The following SDK1 variants were observed in gnomAD, a reference collection of about 807,000 sequenced individuals.
SDK1 encodes the protein sidekick cell adhesion molecule 1.
SDK1 carries 157 observed loss-of-function variants against 245.5 expected under a neutral mutation model. The ratio of observed to expected loss-of-function variants is 0.64; its 90% confidence interval spans 0.56 to 0.73. SDK1 has a LOEUF of 0.73. Ranked by LOEUF, SDK1 falls within the 30% of genes least tolerant of loss-of-function variation. SDK1 has a pLI of 0.00. For missense variants in SDK1, 3,583 were observed against 3,002.3 expected (o/e 1.19, Z -4.52); for synonymous variants, 1,647 against 1,278.5 (o/e 1.29, Z -6.15).
intron 25 of SDK1, among the ~76,000 whole-genome samples, chr7:4,125,082 T>C (rs1784296933): frequency 6.7e-6 from 1 of 148,986 alleles, no homozygotes; most frequent in Non-Finnish European, 1.5e-5. Flanking sequence ...GATGGATGGA[T>C]GGATGATGGA....
intron 1 of SDK1, among the ~76,000 whole-genome samples, chr7:3,474,226 C>G (rs113887308): frequency 0.022 from 3,284 of 150,638 alleles, 131 homozygotes; most frequent in African/African-American, 0.075. Flanking sequence ...CCTCAGCCTC[C>G]CAAGTAGTGG....
chr7:4,114,542 C>T (rs1276776736), intron 25 of SDK1, among the ~76,000 whole-genome samples: 11 of 152,156 alleles, frequency 7.2e-5, no homozygotes, highest in Admixed American at 2.0e-4. Flanking sequence ...GGATAATTTT[C>T]GCTAACGATG....
At chr7:3,845,784 A>T (rs901167862) in intron 5 of SDK1, among the ~76,000 whole-genome samples, 3 of 151,916 alleles carry the variant, frequency 2.0e-5, no homozygotes, top group South Asian at 2.1e-4. Context: ...TGCTTGCTGT[A>T]TGAAACCAAA....
rs58081155 is a variant in SDK1 at position 3,463,349 on chromosome 7, C to CATGA, written c.299-155701_299-155698dup. Reference sequence around the variant, plus strand: ...GTCATATAGTTAGGACTCACATATTCATGAATGAATGAATGAATGAATGAA... The same window carrying CATGA: ...GTCATATAGTTAGGACTCACATATTCATGAATGAATGAATGAATGAATGAATGAA... On this transcript the variant is annotated intron_variant, in intron 1 of 44. Transcript: ENST00000404826. Among the ~76,000 whole-genome samples the CATGA allele has an allele frequency of 4.2e-3, 637 of 151,858 alleles. 1 individual carries two copies. The highest frequency in any genetic ancestry group is 9.6e-3 in the South Asian group (46 of 4,800).
intron 4 of SDK1, among the ~76,000 whole-genome samples, chr7:3,748,207 A>G (rs1779679659): frequency 6.6e-6 from 1 of 152,200 alleles, no homozygotes; most frequent in Admixed American, 6.5e-5. Flanking sequence ...TGAAAAGGAA[A>G]AATGATGTAT....
chr7:4,053,376 A>C (rs1349151983), intron 19 of SDK1, among the ~76,000 whole-genome samples: 1 of 151,818 alleles, frequency 6.6e-6, no homozygotes, highest in Admixed American at 6.6e-5. Context: ...CTTTCCTCTC[A>C]AACGATGCAG....
rs1432352922 is a variant in SDK1, at chr7:3,860,459, CTA to C, written c.847+38879_847+38880del. Among the ~76,000 whole-genome samples the C allele has an allele frequency of 8.5e-5, 13 of 152,178 alleles. 1 individual carries two copies. The highest frequency in any genetic ancestry group is 6.8e-3 in the Middle Eastern group (2 of 292). On this transcript the variant is annotated intron_variant, in intron 5 of 44. Coordinates refer to ENST00000404826, the MANE Select transcript of SDK1 (RefSeq NM_152744.4). ...TCTAGGAAATCCAAATTAAGGCAAA[CTA>C]TAAATTTTCACTCAAGTTGTCAAAC...
At chr7:3,743,076 G>T (rs759580851) in intron 4 of SDK1, among the ~76,000 whole-genome samples, 3 of 152,198 alleles carry the variant, frequency 2.0e-5, no homozygotes, top group Admixed American at 6.5e-5. Flanking sequence ...TGTACGTGTT[G>T]TGTGTCAGGA....
chr7:3,435,244 G>C (rs2128586085), intron 1 of SDK1, among the ~76,000 whole-genome samples: 1 of 146,752 alleles, frequency 6.8e-6, no homozygotes, highest in East Asian at 2.0e-4. Context: ...CATTAAAACA[G>C]ATTATACTGG....
chr7:3,801,213 A>T (rs1482855968), intron 4 of SDK1, among the ~76,000 whole-genome samples: 2 of 152,190 alleles, frequency 1.3e-5, no homozygotes, highest in African/African-American at 2.4e-5. Context: ...CTGGGTTTTT[A>T]AAATAGCTGA....
chr7:3,355,650 C>T (rs778703297), intron 1 of SDK1, among the ~76,000 whole-genome samples: 1 of 152,140 alleles, frequency 6.6e-6, no homozygotes, highest in Non-Finnish European at 1.5e-5. Flanking sequence ...ACTGGGAATA[C>T]CCTCAGCTTT....
At chr7:3,345,454 A>T (rs1416057270) in intron 1 of SDK1, among the ~76,000 whole-genome samples, 1 of 152,204 alleles carries the variant, frequency 6.6e-6, no homozygotes, top group Non-Finnish European at 1.5e-5. Context: ...CTACTCAGTG[A>T]TATTAACACA....
Position 4,268,174 on chromosome 7 carries a change from C to T in SDK1, c.*2790C>T, listed in dbSNP as rs545943280. ...CATGACAGCAGTGGCTGAGTCTCCC[C>T]ACCCACCCCCAACGTGGCTCATTTC... is the stretch of plus-strand genomic sequence containing the variant. On this transcript the variant is annotated 3_prime_UTR_variant, in exon 45 of 45. Coordinates refer to ENST00000404826, the MANE Select transcript of SDK1 (RefSeq NM_152744.4). The T allele has an allele frequency of 1.2e-5, 12 of 987,170 alleles. No individual in the cohort carries two copies. The African/African-American group carries it at 1.6e-4, about 13-fold the overall frequency. The allele number at this position is 987,170 out of a possible 1,614,324, so 61.2% of individuals were successfully genotyped here.
intron 4 of SDK1, chr7:3,642,865 A>G (rs895434213): frequency 3.9e-5 from 6 of 152,262 alleles, no homozygotes; most frequent in African/African-American, 1.2e-4. Context: ...ATGAAATGCT[A>G]TAAGCTTAGG....
At position 3,331,717 on chromosome 7, in the gene SDK1, C is replaced by T. The variant is rs888523301; in HGVS notation, c.298+29833C>T. On this transcript the variant is annotated intron_variant, in intron 1 of 44. Transcript: ENST00000404826. ...TGGTGAAACACCTTTCCTTTGGATA[C>T]CAGGTTCATAAGATTGGACACAGTC... 2.0e-5 allele frequency among the ~76,000 whole-genome samples: 3 copies of T among 152,194 alleles called. No individual in the cohort carries two copies. In the South Asian group the frequency reaches 6.2e-4, roughly 32 times the overall value.
intron 4 of SDK1, among the ~76,000 whole-genome samples, chr7:3,670,424 C>G (rs996276587): frequency 6.6e-6 from 1 of 152,144 alleles, no homozygotes; most frequent in Non-Finnish European, 1.5e-5. Flanking sequence ...TTTTCACTTA[C>G]TAGGTATGAT....
chr7:3,971,439 C>G (rs1562595184), intron 11 of SDK1, 27 bp from the exon 12 acceptor site: 1 of 1,523,436 alleles, frequency 6.6e-7, no homozygotes, highest in Non-Finnish European at 9.1e-7. Context: ...GTCATTTCGT[C>G]TGACTCGTGA....
intron 4 of SDK1, among the ~76,000 whole-genome samples, chr7:3,771,748 A>G (rs778590854): frequency 5.3e-5 from 8 of 152,202 alleles, no homozygotes; most frequent in Admixed American, 1.3e-4. Flanking sequence ...TTACTGTGGT[A>G]AAATACAGAT....
intron 1 of SDK1, among the ~76,000 whole-genome samples, chr7:3,530,220 A>G (rs1783296654): frequency 6.6e-6 from 1 of 152,154 alleles, no homozygotes; most frequent in Non-Finnish European, 1.5e-5. Context: ...GATACAATAA[A>G]CCATAGAGCC....
Sources: allele counts gnomAD v4.1 joint callset (sites outside exome capture counted in the v4.1 genomes callset), GRCh38; gene constraint gnomAD v4.1.1; transcripts MANE v1.5; gene names NCBI Gene and HGNC (gene_info 2026-07-23, HGNC 2026-07-21).